Variants in LY96 observed in about 807,000 individuals in gnomAD.
The protein encoded by LY96 is lymphocyte antigen 96.
LY96 carries 18 observed loss-of-function variants against 18.9 expected under a neutral mutation model. The ratio of observed to expected loss-of-function variants is 0.95; its 90% CI spans 0.66 to 1.41. The LOEUF is 1.41. Ranked by LOEUF, LY96 falls within the 40% of genes most tolerant of loss-of-function variation. The pLI, the probability that LY96 is intolerant of heterozygous loss-of-function variation, is 0.00. For synonymous variants in LY96, 66 were observed against 62.6 expected (o/e 1.06, Z -0.26); for missense variants, 175 against 182.4 (o/e 0.96, Z 0.23).
the LY96 span, among the ~76,000 whole-genome samples, chr8:74,085,331 G>T: frequency 4.5e-4 from 68 of 152,292 alleles, no homozygotes; most frequent in African/African-American, 1.6e-3. Flanking sequence ...AATCACAGAG[G>T]AATCACATCC....
At chr8:74,098,043 G>C in the LY96 span, among the ~76,000 whole-genome samples, 10 of 152,196 alleles carry the variant, frequency 6.6e-5, no homozygotes, top group Admixed American at 3.9e-4. Context: ...TTTCTTGTTT[G>C]TGTCAGGTAA....
Position 74,009,374 on chromosome 8 carries a change from CAAAAAA to C in LY96, c.203-607_203-602del, listed in dbSNP as rs370593442. 3.8e-3 allele frequency among the ~76,000 whole-genome samples: 225 copies of C among 58,864 alleles called. 1 individual carries two copies. The highest frequency in any genetic ancestry group is 0.011 in the African/African-American group (208 of 19,320). The allele number at this position is 58,864 out of a possible 152,430, so 38.6% of individuals were successfully genotyped here. A position where few individuals can be genotyped will look rare whatever the true frequency, so the allele number is the denominator to read the frequency against. On this transcript the variant is annotated intron_variant, in intron 2 of 4. Coordinates refer to ENST00000284818, the MANE Select transcript of LY96 (RefSeq NM_015364.5). ...TACGCCACTGCACTCCAGTCTTTCT[CAAAAAA>C]AAAAAAAAAAAAAAAAAAAGAAGAA...
the LY96 span, among the ~76,000 whole-genome samples, chr8:74,073,424 T>C: frequency 2.6e-5 from 4 of 152,202 alleles, no homozygotes; most frequent in African/African-American, 9.7e-5. Context: ...CCTGTGAAGT[T>C]AGAAGTCTAA....
At chr8:74,095,178 T>C in the LY96 span, among the ~76,000 whole-genome samples, 1 of 152,216 alleles carries the variant, frequency 6.6e-6, no homozygotes, top group African/African-American at 2.4e-5. Flanking sequence ...TTCATCTGAG[T>C]GATAGCTTAA....
intron 1 of LY96, among the ~76,000 whole-genome samples, chr8:73,997,814 A>T (rs528709796): frequency 4.6e-5 from 7 of 152,212 alleles, no homozygotes; most frequent in African/African-American, 9.7e-5. Flanking sequence ...AATACAAAGG[A>T]TACAGACGAA....
At chr8:74,028,612 C>T (rs748853422) in intron 4 of LY96, among the ~76,000 whole-genome samples, 34 of 151,838 alleles carry the variant, frequency 2.2e-4, no homozygotes, top group Non-Finnish European at 1.6e-4. Context: ...TAGATATTTG[C>T]GTGACATATC....
chr8:73,997,621 T>G (rs1816177999), intron 1 of LY96, among the ~76,000 whole-genome samples: 1 of 151,880 alleles, frequency 6.6e-6, no homozygotes, highest in African/African-American at 2.4e-5. Flanking sequence ...AATTAGGGGG[T>G]CCTTCCCACA....
At chr8:74,048,907 C>T in the LY96 span, 3 of 151,954 alleles carry the variant, frequency 2.0e-5, no homozygotes, top group Non-Finnish European at 2.9e-5. Context: ...AAAAAATGAA[C>T]GAATGAATGA....
chr8:74,054,499 CTTTTTT>C, the LY96 span, among the ~76,000 whole-genome samples: 3 of 148,436 alleles, frequency 2.0e-5, no homozygotes, highest in Admixed American at 6.7e-5. Flanking sequence ...CTTTTCTTTT[CTTTTTT>C]TTTCTTTTCT....
the LY96 span, among the ~76,000 whole-genome samples, chr8:74,081,557 C>T: frequency 7.2e-5 from 11 of 151,804 alleles, no homozygotes; most frequent in African/African-American, 2.7e-4. Context: ...TCATGCCTAG[C>T]TAATTTTGAA....
chr8:74,014,469 C>T (rs1352110134), intron 3 of LY96, among the ~76,000 whole-genome samples: 1 of 122,376 alleles, frequency 8.2e-6, no homozygotes, highest in Non-Finnish European at 1.7e-5. Flanking sequence ...ATGATGTGTA[C>T]AAAAGAACAG....
chr8:74,009,413 G>C (rs148081046), intron 2 of LY96, among the ~76,000 whole-genome samples: 1 of 126,464 alleles, frequency 7.9e-6, no homozygotes, highest in Non-Finnish European at 1.7e-5. Context: ...GAAAAGAAAA[G>C]AAAAGAAAGA....
intron 1 of LY96, among the ~76,000 whole-genome samples, chr8:73,992,836 C>CTGTATGTGTGTGTG (rs1458068284): frequency 1.4e-5 from 2 of 141,884 alleles, no homozygotes; most frequent in East Asian, 2.1e-4. Flanking sequence ...AATTATGCCA[C>CTGTATGTGTGTGTG]TGTGTGTGTG....
chr8:74,064,206 A>G, the LY96 span, among the ~76,000 whole-genome samples: 8 of 152,344 alleles, frequency 5.3e-5, no homozygotes, highest in South Asian at 1.7e-3. Flanking sequence ...TTAACAAGAG[A>G]ATGAATGACT....
At chr8:74,061,184 G>A in the LY96 span, among the ~76,000 whole-genome samples, 2 of 152,318 alleles carry the variant, frequency 1.3e-5, no homozygotes, top group African/African-American at 4.8e-5. Flanking sequence ...ATTTTAAAAT[G>A]TTGAAACCAT....
chr8:74,016,920 A>C (rs1001764245), intron 3 of LY96, among the ~76,000 whole-genome samples: 1 of 152,230 alleles, frequency 6.6e-6, no homozygotes, highest in Non-Finnish European at 1.5e-5. Flanking sequence ...CAAAGACCAA[A>C]GGTAGGTAAA....
rs751579922 is a variant in LY96, at chr8:74,029,034, C to T, written c.463C>T (p.His155Tyr). The change falls in exon 5 of 5, where the codon CAC becomes TAC. Residue 155 changes from histidine (H) to tyrosine (Y), a missense_variant. Coordinates refer to ENST00000284818, the MANE Select transcript of LY96 (RefSeq NM_015364.5). ...MLFCLEFVILHQPNSN is the reference protein window; with the variant it reads ...MLFCLEFVILYQPNSN Reference sequence around the variant, plus strand: ...CTTTTGCTTGGAGTTTGTCATCCTACACCAACCTAATTCAAATTAGAATAA... The same window carrying T: ...CTTTTGCTTGGAGTTTGTCATCCTATACCAACCTAATTCAAATTAGAATAA... 1.0e-5 allele frequency: 16 copies of T among 1,606,306 alleles called. No homozygotes were observed. Among genetic ancestry groups the T allele is most frequent in the Non-Finnish European group, 1.1e-5 (13 of 1,173,822 alleles).
chr8:74,017,058 A>C (rs1469281411), intron 3 of LY96, among the ~76,000 whole-genome samples: 2 of 152,244 alleles, frequency 1.3e-5, no homozygotes, highest in African/African-American at 4.8e-5. Flanking sequence ...GACTTTGATG[A>C]GTTGACAGAA....
At chr8:74,030,998 A>C (rs1816961020), downstream of LY96, among the ~76,000 whole-genome samples, 1 of 152,180 alleles carries the variant, frequency 6.6e-6, no homozygotes, top group Non-Finnish European at 1.5e-5. Flanking sequence ...GAGAGGACTT[A>C]GCTGTTGCAT....
Sources: gnomAD v4.1 joint callset for allele counts (sites outside exome capture counted in the v4.1 genomes callset) on GRCh38, gnomAD v4.1.1 for gene constraint, MANE v1.5 for transcripts, NCBI Gene and HGNC (gene_info 2026-07-23, HGNC 2026-07-21) for gene names.